Variants in PLCB4 observed in about 807,000 individuals in gnomAD.
PLCB4 encodes the protein 1-phosphatidylinositol 4,5-bisphosphate phosphodiesterase beta-4.
PLCB4 carries 77 observed loss-of-function variants against 178.8 expected under a neutral mutation model. The observed-to-expected ratio is 0.43, with a 90% confidence interval of 0.36 to 0.52. PLCB4 has a LOEUF of 0.52. Ranked by LOEUF, PLCB4 falls within the 20% of genes least tolerant of loss-of-function variation. The probability of loss-of-function intolerance (pLI) is 0.00; values close to 1 mark genes in which losing one functional copy is unlikely to be tolerated. For synonymous variants in PLCB4, 496 were observed against 490.8 expected (o/e 1.01, Z -0.14); for missense variants, 1,024 against 1,453.4 (o/e 0.70, Z 4.80).
chr20:9,223,627 G>A (rs1420580836), intron 3 of PLCB4, among the ~76,000 whole-genome samples: 2 of 152,168 alleles, frequency 1.3e-5, no homozygotes, highest in African/African-American at 4.8e-5. Context: ...TCATAGCATG[G>A]CAGCTTCAGA....
rs1015755738 is a variant in PLCB4 at position 9,477,550 on chromosome 20, A to G, written c.3532+797A>G. On this transcript the variant is annotated intron_variant, in intron 39 of 39. Coordinates refer to ENST00000378473, the MANE Select transcript of PLCB4 (RefSeq NM_001377142.1). Reference sequence around the variant, plus strand: ...TGGAAGTATTTAATTTCCAGTGCTGATAATGTTTCACTGTCATCCCTTTTG... The same window carrying G: ...TGGAAGTATTTAATTTCCAGTGCTGGTAATGTTTCACTGTCATCCCTTTTG... 2.6e-5 allele frequency among the ~76,000 whole-genome samples: 4 copies of G among 152,042 alleles called. No individual in the cohort carries two copies. The East Asian group carries it at 7.8e-4, about 29-fold the overall frequency.
In PLCB4 at chr20:9,326,468, C is replaced by T. The variant is rs747347249; in HGVS notation, c.85-10658C>T. On this transcript the variant is annotated intron_variant, in intron 4 of 39. Transcript: ENST00000378473. ...TCATGGTTGATTACTGAGGGAGAGACGTTTTCATTTTTGTTCCTATTGGTT... is the reference window on the plus strand; with the variant it reads ...TCATGGTTGATTACTGAGGGAGAGATGTTTTCATTTTTGTTCCTATTGGTT... Among the ~76,000 whole-genome samples the T allele has an allele frequency of 7.9e-5, 12 of 152,162 alleles. No individual in the cohort carries two copies. The South Asian group carries it at 1.9e-3, about 24-fold the overall frequency.
chr20:9,463,275 A>G (rs1021253108), intron 35 of PLCB4, among the ~76,000 whole-genome samples: 4 of 152,288 alleles, frequency 2.6e-5, no homozygotes, highest in Non-Finnish European at 1.5e-5. Flanking sequence ...AGCATTAAAC[A>G]TGGAAAGAAA....
intron 7 of PLCB4, among the ~76,000 whole-genome samples, chr20:9,361,361 T>C (rs1014690448): frequency 6.6e-6 from 1 of 152,142 alleles, no homozygotes; most frequent in Non-Finnish European, 1.5e-5. Context: ...TTATGCTAAG[T>C]GAAGAAAGCC....
At chr20:9,473,401 G>A (rs368905042) in intron 38 of PLCB4, 36 bp downstream of exon 38, 19 of 1,243,764 alleles carry the variant, frequency 1.5e-5, no homozygotes, top group Non-Finnish European at 2.1e-5. Flanking sequence ...CATGCAGGCA[G>A]CTAGCCAGCT....
chr20:9,312,730 A>C (rs2147904150), intron 4 of PLCB4, among the ~76,000 whole-genome samples: 1 of 152,356 alleles, frequency 6.6e-6, no homozygotes, highest in South Asian at 2.1e-4. Flanking sequence ...GGAGGACATT[A>C]GCAGGATGAT....
At chr20:9,104,619 T>G (rs989245754) in intron 2 of PLCB4, among the ~76,000 whole-genome samples, 7 of 152,306 alleles carry the variant, frequency 4.6e-5, no homozygotes, top group East Asian at 3.9e-4. Flanking sequence ...AGTCTTGCAT[T>G]CAGAACAGTC....
chr20:9,242,481 G>A (rs1053554152), intron 3 of PLCB4, among the ~76,000 whole-genome samples: 1 of 152,212 alleles, frequency 6.6e-6, no homozygotes, highest in Non-Finnish European at 1.5e-5. Context: ...TAATTCATGT[G>A]AGCAATAAAG....
At chr20:9,236,294 T>A (rs1241318298) in intron 3 of PLCB4, among the ~76,000 whole-genome samples, 2 of 152,074 alleles carry the variant, frequency 1.3e-5, no homozygotes, top group Non-Finnish European at 2.9e-5. Flanking sequence ...TCTCCACCCC[T>A]CCAACCCTGC....
chr20:9,429,991 T>A (rs980437620), intron 28 of PLCB4, among the ~76,000 whole-genome samples: 30 of 152,120 alleles, frequency 2.0e-4, no homozygotes, highest in African/African-American at 7.2e-4. Context: ...TTGGGCCACA[T>A]TGGAAGAATA....
chr20:9,209,881 G>A (rs540562833), intron 2 of PLCB4, among the ~76,000 whole-genome samples: 3 of 148,198 alleles, frequency 2.0e-5, no homozygotes, highest in African/African-American at 2.5e-5. Context: ...GGAGAATGGC[G>A]TGAACCCGGG....
At chr20:9,429,176 G>A (rs932530466) in intron 28 of PLCB4, among the ~76,000 whole-genome samples, 6 of 152,118 alleles carry the variant, frequency 3.9e-5, no homozygotes, top group East Asian at 1.9e-4. Context: ...GAGAGGTTCC[G>A]GAGCCCCTGC....
intron 7 of PLCB4, among the ~76,000 whole-genome samples, chr20:9,353,781 T>C (rs2034547201): frequency 6.6e-6 from 1 of 152,214 alleles, no homozygotes; most frequent in African/African-American, 2.4e-5. Flanking sequence ...GGCTCTGGCC[T>C]TGGTCCTTAG....
At chr20:9,318,043 G>A (rs890389674) in intron 4 of PLCB4, among the ~76,000 whole-genome samples, 1 of 152,024 alleles carries the variant, frequency 6.6e-6, no homozygotes, top group Non-Finnish European at 1.5e-5. Context: ...CCAGCTGCTC[G>A]GGAGGCTGAA....
At chr20:9,208,804 G>C (rs1291033295) in intron 2 of PLCB4, among the ~76,000 whole-genome samples, 5 of 152,196 alleles carry the variant, frequency 3.3e-5, no homozygotes, top group Admixed American at 3.3e-4. Flanking sequence ...GCATTCCAAA[G>C]TGTTGGGATT....
intron 3 of PLCB4, among the ~76,000 whole-genome samples, chr20:9,249,535 C>G (rs1213620814): frequency 6.6e-6 from 1 of 152,016 alleles, no homozygotes; most frequent in African/African-American, 2.4e-5. Context: ...AGGCTGGTCT[C>G]GAGCTCCTGG....
chr20:9,356,574 T>A (rs73246638), intron 7 of PLCB4, among the ~76,000 whole-genome samples: 9,294 of 152,238 alleles, frequency 0.061, 908 homozygotes, highest in African/African-American at 0.21. Flanking sequence ...CAAGATTAGA[T>A]CCTGTGGCAA....
At chr20:9,173,431 A>G (rs1373513509) in intron 2 of PLCB4, among the ~76,000 whole-genome samples, 2 of 152,162 alleles carry the variant, frequency 1.3e-5, no homozygotes, top group Admixed American at 6.6e-5. Flanking sequence ...ATCCCAAGAC[A>G]TCTGAATTAG....
intron 17 of PLCB4, 84 bp from the exon 18 acceptor site, chr20:9,393,504 G>A (rs1465750483): frequency 1.1e-6 from 1 of 888,808 alleles, no homozygotes; most frequent in African/African-American, 1.7e-5. Context: ...ATCACTCCCA[G>A]GCCTCCCAGG....
Sources: allele counts gnomAD v4.1 joint callset (sites outside exome capture counted in the v4.1 genomes callset), GRCh38; gene constraint gnomAD v4.1.1; transcripts MANE v1.5; gene names NCBI Gene and HGNC (gene_info 2026-07-23, HGNC 2026-07-21).